Variants in CCSER1 observed in about 807,000 individuals in gnomAD.
CCSER1 encodes coiled-coil serine rich protein 1.
A neutral mutation model predicts 82.0 loss-of-function variants in CCSER1; 41 were observed. That is an observed-to-expected ratio of 0.50 (90% CI 0.39 to 0.65). The LOEUF (loss-of-function observed/expected upper bound fraction) is 0.65. Ranked by LOEUF, CCSER1 falls within the 30% of genes least tolerant of loss-of-function variation. The pLI, the probability that CCSER1 is intolerant of heterozygous loss-of-function variation, is 0.00. For missense variants in CCSER1, 1,119 were observed against 1,064.2 expected (o/e 1.05, Z -0.72); for synonymous variants, 414 against 383.9 (o/e 1.08, Z -0.92).
chr4:90,342,157 C>G (rs550302878), intron 3 of CCSER1, among the ~76,000 whole-genome samples: 34 of 152,136 alleles, frequency 2.2e-4, no homozygotes, highest in Middle Eastern at 3.4e-3. Flanking sequence ...GATTTGAAAG[C>G]GAGGGATATA....
At chr4:91,119,673 T>A (rs1446788847) in intron 10 of CCSER1, among the ~76,000 whole-genome samples, 1 of 151,936 alleles carries the variant, frequency 6.6e-6, no homozygotes, top group Non-Finnish European at 1.5e-5. Context: ...GGCTATTTAC[T>A]ATGTATATAA....
At chr4:91,218,042 C>T (rs935497195) in intron 10 of CCSER1, among the ~76,000 whole-genome samples, 86 of 152,316 alleles carry the variant, frequency 5.6e-4, no homozygotes, top group African/African-American at 1.9e-3. Flanking sequence ...CGGGGAGGCT[C>T]CGGCCGCACA....
At chr4:90,242,123 A>G (rs1157757678) in intron 1 of CCSER1, among the ~76,000 whole-genome samples, 2 of 152,180 alleles carry the variant, frequency 1.3e-5, no homozygotes, top group Non-Finnish European at 2.9e-5. Context: ...CCTGGCCAAC[A>G]TGGTGAAATC....
intron 9 of CCSER1, among the ~76,000 whole-genome samples, chr4:91,073,635 C>G (rs1045813921): frequency 6.6e-6 from 1 of 151,776 alleles, no homozygotes; most frequent in Non-Finnish European, 1.5e-5. Context: ...GAGTAAAATA[C>G]AGATATGTAA....
At chr4:90,941,943 TG>T (rs1409053660) in intron 9 of CCSER1, among the ~76,000 whole-genome samples, 1 of 150,582 alleles carries the variant, frequency 6.6e-6, no homozygotes, top group African/African-American at 2.5e-5. Context: ...TTTTTTCGTT[TG>T]TTTGTTTTGT....
At chr4:91,425,300 T>C (rs560665687) in intron 10 of CCSER1, among the ~76,000 whole-genome samples, 1 of 152,236 alleles carries the variant, frequency 6.6e-6, no homozygotes, top group African/African-American at 2.4e-5. Flanking sequence ...GGAAATACTT[T>C]TGAGAAACTT....
intron 7 of CCSER1, chr4:90,727,420 T>C: frequency 2.6e-6 from 1 of 391,020 alleles, no homozygotes; most frequent in Admixed American, 3.1e-5. Context: ...TATAGTTTTC[T>C]GAGGACTAAA....
At chr4:90,513,885 T>A (rs1771892557) in intron 5 of CCSER1, among the ~76,000 whole-genome samples, 1 of 152,092 alleles carries the variant, frequency 6.6e-6, no homozygotes, top group Non-Finnish European at 1.5e-5. Context: ...TGTGGGTGGA[T>A]TACAGAGGTA....
chr4:91,443,683 AAAT>A (rs576497350), intron 10 of CCSER1, among the ~76,000 whole-genome samples: 141 of 149,034 alleles, frequency 9.5e-4, no homozygotes, highest in African/African-American at 3.2e-3. Flanking sequence ...AAATAAAAGA[AAAT>A]AATATTAGCG....
intron 5 of CCSER1, among the ~76,000 whole-genome samples, chr4:90,536,234 G>A (rs920085410): frequency 5.3e-5 from 8 of 151,840 alleles, no homozygotes; most frequent in Admixed American, 1.3e-4. Flanking sequence ...GGGTTTTGCC[G>A]TGTTAGCCAG....
rs182275457 is a variant in CCSER1 at position 90,400,010 on chromosome 4, A to G, written c.1510-26A>G. On this transcript the variant is annotated intron_variant, in intron 3 of 10. Coordinates refer to ENST00000509176, the MANE Select transcript of CCSER1 (RefSeq NM_001145065.2). ...TCATTTACTCAGTGTTTTGGTTTCTAATTGTTGGTTTTGATTTTTCTTCAG... is the reference window on the plus strand; with the variant it reads ...TCATTTACTCAGTGTTTTGGTTTCTGATTGTTGGTTTTGATTTTTCTTCAG... 2.7e-4 allele frequency: 382 copies of G among 1,390,508 alleles called. 3 individuals carry two copies. The highest frequency in any genetic ancestry group is 4.0e-5 in the Non-Finnish European group (39 of 982,096). The allele number at this position is 1,390,508 out of a possible 1,614,324, so 86.1% of individuals were successfully genotyped here.
intron 1 of CCSER1, among the ~76,000 whole-genome samples, chr4:90,231,238 A>T (rs879623169): frequency 6.6e-6 from 1 of 152,072 alleles, no homozygotes; most frequent in Non-Finnish European, 1.5e-5. Flanking sequence ...ATACTGGCAA[A>T]CTGAATCCAA....
At chr4:90,795,106 T>C (rs1402741431) in intron 7 of CCSER1, among the ~76,000 whole-genome samples, 15 of 152,056 alleles carry the variant, frequency 9.9e-5, no homozygotes, top group Admixed American at 8.5e-4. Flanking sequence ...CTGGCCAACA[T>C]GGTGAAACCC....
intron 10 of CCSER1, among the ~76,000 whole-genome samples, chr4:91,152,220 A>T (rs1297601590): frequency 6.6e-6 from 1 of 152,100 alleles, no homozygotes; most frequent in Non-Finnish European, 1.5e-5. Flanking sequence ...TCCCTTTACC[A>T]TTATGTAATA....
chr4:90,664,178 A>T (rs2149109510), intron 6 of CCSER1, among the ~76,000 whole-genome samples: 1 of 152,356 alleles, frequency 6.6e-6, no homozygotes, highest in Non-Finnish European at 1.5e-5. Flanking sequence ...ATTTCATAAT[A>T]GAAATATTAC....
intron 4 of CCSER1, among the ~76,000 whole-genome samples, chr4:90,402,327 G>T (rs967842385): frequency 6.6e-6 from 1 of 152,154 alleles, no homozygotes; most frequent in African/African-American, 2.4e-5. Context: ...GTTAATCAGA[G>T]AAATTAGAGG....
chr4:90,515,978 C>T (rs537295489), intron 5 of CCSER1, among the ~76,000 whole-genome samples: 87 of 152,226 alleles, frequency 5.7e-4, no homozygotes, highest in African/African-American at 1.6e-3. Context: ...CTCTGTTTTA[C>T]ATTTAATAAA....
chr4:90,468,219 G>T lies in CCSER1; in HGVS notation c.1604-15G>T, dbSNP rs1193247542. The T allele has an allele frequency of 1.3e-6, 2 of 1,576,032 alleles. No individual in the cohort carries two copies. On this transcript the variant is annotated splice_polypyrimidine_tract_variant and intron_variant, in intron 4 of 10. Transcript: ENST00000509176. Reference sequence around the variant, plus strand: ...ATAATTTTGACATTTACAATTCCTCGGTTTTTTTGAACAGTTTGCCGGGAG... The same window carrying T: ...ATAATTTTGACATTTACAATTCCTCTGTTTTTTTGAACAGTTTGCCGGGAG...
In CCSER1 at chr4:91,394,086, A is replaced by C. The variant is rs917206734; in HGVS notation, c.2218-204486A>C. ...CCATTATACGTTTGTGCAGTACCTCAGAATAAGGTGATCCTAACCTCAGAA... is the reference window on the plus strand; with the variant it reads ...CCATTATACGTTTGTGCAGTACCTCCGAATAAGGTGATCCTAACCTCAGAA... On this transcript the variant is annotated intron_variant, in intron 10 of 10. Coordinates refer to ENST00000509176, the MANE Select transcript of CCSER1 (RefSeq NM_001145065.2). Among the ~76,000 whole-genome samples the C allele has an allele frequency of 3.3e-5, 5 of 152,242 alleles. No individual in the cohort carries two copies. In the East Asian group the frequency reaches 9.7e-4, roughly 29 times the overall value.
Sources: allele counts gnomAD v4.1 joint callset (sites outside exome capture counted in the v4.1 genomes callset), GRCh38; gene constraint gnomAD v4.1.1; transcripts MANE v1.5; gene names NCBI Gene and HGNC (gene_info 2026-07-23, HGNC 2026-07-21).